The following RYR1 variants were observed in gnomAD, a reference collection of about 807,000 sequenced individuals.
The protein encoded by RYR1 is central core disease of muscle.
RYR1 carries 342 observed loss-of-function variants against 583.5 expected under a neutral mutation model. That is an observed-to-expected ratio of 0.59 (90% confidence interval 0.54 to 0.64). RYR1 has a LOEUF of 0.64. Among genes scored for constraint, RYR1 ranks in the 30% least tolerant of loss-of-function variants. The pLI, the probability that RYR1 is intolerant of heterozygous loss-of-function variation, is 0.00. For missense variants in RYR1, 6,032 were observed against 6,917.2 expected (o/e 0.87, Z 4.54); for synonymous variants, 2,791 against 2,822.5 (o/e 0.99, Z 0.35).
chr19:38,494,261 A>T lies in RYR1; in HGVS notation c.6275-91A>T, dbSNP rs1969695633. 5.3e-6 allele frequency: 8 copies of T among 1,517,828 alleles called. No individual in the cohort carries two copies. In the South Asian group the frequency reaches 6.8e-5, roughly 13 times the overall value. 94.0% of individuals were successfully genotyped at this position (1,517,828 alleles called of 1,614,324 possible). ...TAGTAACTGGGAAAACTTCTGGAACAGGGGGCCCCTTCCACATTGTTCTGG... is the reference window on the plus strand; with the variant it reads ...TAGTAACTGGGAAAACTTCTGGAACTGGGGGCCCCTTCCACATTGTTCTGG... On this transcript the variant is annotated intron_variant, in intron 38 of 105. Coordinates refer to ENST00000359596, the MANE Select transcript of RYR1 (RefSeq NM_000540.3).
intron 2 of RYR1, among the ~76,000 whole-genome samples, chr19:38,441,415 G>T (rs1449385645): frequency 6.6e-6 from 1 of 151,146 alleles, no homozygotes; most frequent in Non-Finnish European, 1.5e-5. Context: ...GGGCGGGGGA[G>T]GATGGGACAG....
At chr19:38,564,857 C>G in intron 90 of RYR1, 102 bp from the exon 91 acceptor site, 3 of 1,519,448 alleles carry the variant, frequency 2.0e-6, no homozygotes, top group Admixed American at 4.0e-5. Context: ...GCATTTAGAA[C>G]AGCGCCTGCC....
At chr19:38,566,544 G>A (rs779758468) in intron 91 of RYR1, among the ~76,000 whole-genome samples, 11 of 150,762 alleles carry the variant, frequency 7.3e-5, no homozygotes, top group African/African-American at 1.7e-4. Flanking sequence ...AAAGACCCTC[G>A]GAGATACTCG....
chr19:38,509,536 T>C (rs1970634873), intron 58 of RYR1, among the ~76,000 whole-genome samples: 1 of 149,404 alleles, frequency 6.7e-6, no homozygotes, highest in African/African-American at 2.5e-5. Context: ...CACTGCAGGC[T>C]CCGCCTCCAG....
intron 81 of RYR1, chr19:38,535,705 T>C: frequency 1.7e-6 from 1 of 590,186 alleles, no homozygotes; most frequent in South Asian, 2.0e-5. Flanking sequence ...GCCTCTACTG[T>C]TGTCTGCCTT....
rs1397489288 is a variant in RYR1 at position 38,466,296 on chromosome 19, C to A, written c.3076C>A (p.Leu1026Met). 6.2e-7 allele frequency: 1 copy of A among 1,611,674 alleles called. No homozygotes were observed. Among genetic ancestry groups the A allele is most frequent in the Non-Finnish European group, 8.5e-7 (1 of 1,179,466 alleles). Reference protein sequence around the residue: ...RNPRLVPYRLLDEATKRSNRD... With the variant: ...RNPRLVPYRLMDEATKRSNRD... Reference sequence around the variant, plus strand: ...CCCTCGGCTGGTGCCCTACCGCCTGCTGGATGAAGCCACCAAGCGCAGCAA... The same window carrying A: ...CCCTCGGCTGGTGCCCTACCGCCTGATGGATGAAGCCACCAAGCGCAGCAA... Residue 1026 changes from leucine (L) to methionine (M), a missense_variant, in exon 24 of 106, where the codon CTG (leucine) becomes ATG (methionine). By Grantham distance (15) the Leu-to-Met change is conservative (BLOSUM62 2). Around this residue, in one of 11 missense-constraint regions of RYR1, gnomAD observed 2,627 missense variants for 2,961.3 expected, o/e 0.89. Transcript: ENST00000359596.
chr19:38,446,431 C>A, intron 7 of RYR1, 41 bp from the exon 8 acceptor site: 1 of 1,471,876 alleles, frequency 6.8e-7, no homozygotes, highest in Non-Finnish European at 9.5e-7. Context: ...CTTCCTGGGG[C>A]TCCAGCCTCC....
At chr19:38,502,855 C>G (rs201945985) in intron 48 of RYR1, 25 bp from the exon 49 acceptor site, 1 of 1,605,252 alleles carries the variant, frequency 6.2e-7, no homozygotes, top group South Asian at 1.1e-5. Flanking sequence ...ACGGGGGATT[C>G]TACATCTTGT....
intron 23 of RYR1, among the ~76,000 whole-genome samples, chr19:38,465,844 T>C (rs147348007): frequency 2.6e-4 from 40 of 151,880 alleles, no homozygotes; most frequent in African/African-American, 9.7e-4. Flanking sequence ...GAGATAGGGG[T>C]CCCAAAGTCA....
chr19:38,460,547 C>T lies in RYR1; in HGVS notation c.2533C>T (p.Leu845Phe), dbSNP rs201545585. Residue 845 changes from leucine (L) to phenylalanine (F), a missense_variant, in exon 20 of 106, where the codon CTC (leucine) becomes TTC (phenylalanine). Leu to Phe is a conservative substitution (Grantham distance 22). Around this residue, in one of 11 missense-constraint regions of RYR1, gnomAD observed 2,627 missense variants for 2,961.3 expected, o/e 0.89. Coordinates refer to ENST00000359596, the MANE Select transcript of RYR1 (RefSeq NM_000540.3). The stretch of plus-strand genomic sequence containing the variant: ...TCACCTGGTGGGCCCCAGTCGCTGC[C>T]TCTCACACACCGACTTCGTGCCCTG... The part of the protein sequence containing the change: ...GPHLVGPSRC[L>F]SHTDFVPCPV... 4 of 1,613,802 alleles carry T rather than the reference C, an allele frequency of 2.5e-6. No individual in the cohort carries two copies. The highest frequency in any genetic ancestry group is 3.3e-5 in the Admixed American group (2 of 60,010).
chr19:38,469,396 T>C lies in RYR1; in HGVS notation c.3648T>C (p.Cys1216=). The C allele has an allele frequency of 6.2e-7, 1 of 1,614,152 alleles. No homozygotes were observed. The highest frequency in any genetic ancestry group is 1.1e-5 in the South Asian group (1 of 91,082). Residue 1216 remains cysteine, a synonymous_variant, in exon 27 of 106, where the codon TGT becomes TGC. Transcript: ENST00000359596. ...GCTCTCTGAGGTTCTTTGCCATCTG[T>C]GGCCTCCAGGAAGGCTTCGAGCCAT... The part of the protein sequence containing the change: ...DVSSLRFFAI[C]GLQEGFEPFA...
chr19:38,516,693 G>A (rs1445029454), intron 65 of RYR1, among the ~76,000 whole-genome samples: 1 of 152,112 alleles, frequency 6.6e-6, no homozygotes, highest in East Asian at 1.9e-4. Context: ...TTGAGCATAA[G>A]AGGATTGAGG....
intron 76 of RYR1, among the ~76,000 whole-genome samples, chr19:38,530,763 A>G (rs1971695675): frequency 6.6e-6 from 1 of 151,574 alleles, no homozygotes; most frequent in South Asian, 2.1e-4. Flanking sequence ...AAGAAGGACA[A>G]AGGGTCCCCA....
intron 16 of RYR1, among the ~76,000 whole-genome samples, chr19:38,455,965 A>ATTTTTTTTTTT (rs1568448503): frequency 7.6e-6 from 1 of 132,048 alleles, no homozygotes; most frequent in Non-Finnish European, 1.6e-5. Context: ...GATCTCTGAA[A>ATTTTTTTTTTT]TGTTTTTTTT....
At chr19:38,563,001 C>T (rs1973222372) in intron 90 of RYR1, among the ~76,000 whole-genome samples, 1 of 152,234 alleles carries the variant, frequency 6.6e-6, no homozygotes, top group Non-Finnish European at 1.5e-5. Context: ...GATGTCCACA[C>T]ATCCCTGCCT....
chr19:38,534,770 C>T lies in RYR1; in HGVS notation c.11310C>T (p.His3770=), dbSNP rs775391141. The T allele has an allele frequency of 1.2e-6, 2 of 1,614,048 alleles. No homozygotes were observed. Among genetic ancestry groups the T allele is most frequent in the African/African-American group, 2.7e-5 (2 of 75,050 alleles). ...QRLLYQQARL[H]TRGAAEMVLQ... ...TCTTGTACCAGCAAGCACGGCTGCA[C>T]ACCCGGGGGGCGGCCGAGATGGTGC... Residue 3770 remains histidine, a synonymous_variant, in exon 79 of 106, where the codon CAC becomes CAT. Coordinates refer to ENST00000359596, the MANE Select transcript of RYR1 (RefSeq NM_000540.3).
At chr19:38,549,698 CTTTTTTTTTTTTTT>C (rs71165559) in intron 89 of RYR1, among the ~76,000 whole-genome samples, 2 of 52,444 alleles carry the variant, frequency 3.8e-5, no homozygotes, top group South Asian at 1.4e-3. Context: ...CTTTCCTTTC[CTTTTTTTTTTTTTT>C]TTTTTTTTTT....
At chr19:38,535,415 T>C in intron 81 of RYR1, 23 bp downstream of exon 81, 1 of 1,594,834 alleles carries the variant, frequency 6.3e-7, no homozygotes, top group South Asian at 1.1e-5. Context: ...GGACCTCTTC[T>C]TGTTAAGCTG....
intron 99 of RYR1, among the ~76,000 whole-genome samples, chr19:38,579,575 T>A (rs1974106687): frequency 7.2e-6 from 1 of 138,884 alleles, no homozygotes. Flanking sequence ...GGGTGACAAG[T>A]GTGAAACTCC....
Sources: gnomAD v4.1 joint callset for allele counts (sites outside exome capture counted in the v4.1 genomes callset) on GRCh38, gnomAD v4.1.1 for gene constraint, gnomAD v4.1.1 regional missense constraint, MANE v1.5 for transcripts, NCBI Gene and HGNC (gene_info 2026-07-23, HGNC 2026-07-21) for gene names.